Variants in ZFC3H1 observed in about 807,000 individuals in gnomAD.
ZFC3H1 encodes zinc finger C3H1 domain-containing protein.
ZFC3H1 carries 71 observed loss-of-function variants against 243.7 expected under a neutral mutation model. The observed-to-expected ratio is 0.29, with a 90% CI of 0.24 to 0.36. The LOEUF (loss-of-function observed/expected upper bound fraction) is 0.36, where lower values mean the gene tolerates loss of function less well. ZFC3H1 is among the 10% of genes least tolerant of loss of function. The pLI is 1.00. For missense variants in ZFC3H1, 1,966 were observed against 2,317.1 expected, an observed-to-expected ratio of 0.85 and a Z score of 3.11; for synonymous variants, 838 against 813.0, an observed-to-expected ratio of 1.03 and a Z score of -0.52.
At chr12:71,625,034 G>C (rs1880127909) in intron 22 of ZFC3H1, among the ~76,000 whole-genome samples, 2 of 152,118 alleles carry the variant, frequency 1.3e-5, no homozygotes, top group Non-Finnish European at 2.9e-5. Flanking sequence ...CAATTTCAAA[G>C]AAAAATATTA....
intron 6 of ZFC3H1, among the ~76,000 whole-genome samples, chr12:71,639,027 T>C: frequency 6.6e-6 from 1 of 152,188 alleles, no homozygotes; most frequent in South Asian, 2.1e-4. Flanking sequence ...AAGAATTACT[T>C]AGTGTATTTA....
At chr12:71,633,151 C>A in intron 13 of ZFC3H1, 113 bp downstream of exon 13, 2 of 1,397,050 alleles carry the variant, frequency 1.4e-6, no homozygotes, top group South Asian at 1.5e-5. Context: ...CAACAAGAAA[C>A]TATAGGTTAT....
intron 31 of ZFC3H1, among the ~76,000 whole-genome samples, chr12:71,613,025 A>G (rs1879810337): frequency 6.6e-6 from 1 of 152,220 alleles, no homozygotes; most frequent in Non-Finnish European, 1.5e-5. Flanking sequence ...TGCCGTGGAA[A>G]ACAAGCTTAC....
In ZFC3H1 at chr12:71,610,304, G is replaced by C; in HGVS notation, c.*124C>G. The C allele has an allele frequency of 8.6e-7, 1 of 1,167,076 alleles. No individual in the cohort carries two copies. The highest frequency in any genetic ancestry group is 1.2e-6 in the Non-Finnish European group (1 of 826,292). 72.3% of individuals were successfully genotyped at this position (1,167,076 alleles called of 1,614,324 possible). On this transcript the variant is annotated 3_prime_UTR_variant, in exon 35 of 35. Transcript: ENST00000378743. ...GAGGACAGGATATTGTAGGGAACTT[G>C]ATATGATCAATAACGCTTGTCTGCC... is the stretch of plus-strand genomic sequence containing the variant.
intron 7 of ZFC3H1, 81 bp from the exon 8 acceptor site, chr12:71,637,140 A>C: frequency 8.3e-7 from 1 of 1,201,306 alleles, no homozygotes; most frequent in African/African-American, 1.5e-5. Context: ...TTAAACTAGA[A>C]AAAAATAAAC....
intron 24 of ZFC3H1, among the ~76,000 whole-genome samples, chr12:71,622,309 CT>C (rs1415523184): frequency 6.6e-6 from 1 of 152,176 alleles, no homozygotes; most frequent in African/African-American, 2.4e-5. Flanking sequence ...ATGAGACCCA[CT>C]TTGTCATACT....
chr12:71,629,386 C>T (rs11178877), intron 19 of ZFC3H1, among the ~76,000 whole-genome samples: 2,897 of 151,950 alleles, frequency 0.019, 103 homozygotes, highest in African/African-American at 0.067. Flanking sequence ...AGGCTGGTCT[C>T]GAACTCCTAA....
In ZFC3H1 at chr12:71,643,412, CA is replaced by C. The variant is rs879491340; in HGVS notation, c.1503+682del. On this transcript the variant is annotated intron_variant, in intron 5 of 34. Transcript: ENST00000378743. ...GGGCAACAAGAGTAAGACTCCATCT[CA>C]AAAAAAAAAAAAATTTCAAAGTATA... 3.2e-3 allele frequency among the ~76,000 whole-genome samples: 442 copies of C among 136,124 alleles called. 2 individuals are homozygous for C. Among genetic ancestry groups the C allele is most frequent in the African/African-American group, 8.0e-3 (295 of 37,050 alleles). 89.3% of individuals were successfully genotyped at this position (136,124 alleles called of 152,430 possible).
At chr12:71,656,086 T>C (rs1401940074) in intron 2 of ZFC3H1, among the ~76,000 whole-genome samples, 2 of 152,086 alleles carry the variant, frequency 1.3e-5, no homozygotes, top group Admixed American at 6.6e-5. Context: ...GGCAAAACTA[T>C]AGGGACAGAT....
At chr12:71,613,982 G>GA (rs373187486) in intron 30 of ZFC3H1, among the ~76,000 whole-genome samples, 12 of 152,010 alleles carry the variant, frequency 7.9e-5, no homozygotes, top group African/African-American at 2.9e-4. Flanking sequence ...AGTGGTGTCT[G>GA]AAAAAAAATT....
intron 6 of ZFC3H1, 98 bp downstream of exon 6, chr12:71,642,338 C>T: frequency 7.4e-7 from 1 of 1,357,010 alleles, no homozygotes; most frequent in Non-Finnish European, 9.8e-7. Context: ...GCAAATCTCA[C>T]TTTCATTACA....
intron 21 of ZFC3H1, 33 bp downstream of exon 21, chr12:71,627,718 A>C (rs374487701): frequency 6.3e-7 from 1 of 1,575,258 alleles, no homozygotes; most frequent in Non-Finnish European, 8.6e-7. Context: ...ATAAATGTGC[A>C]ACTGTTTACA....
rs755833682 is a variant in ZFC3H1, at chr12:71,645,049, T to C, written c.1107A>G (p.Leu369=). The C allele has an allele frequency of 3.7e-6, 6 of 1,611,456 alleles. No individual in the cohort carries two copies. The highest frequency in any genetic ancestry group is 4.5e-5 in the East Asian group (2 of 44,870). ...CCAAAAGGCGAAGCTGTAATTCAGATAGTTCCTCTTCATCTTCACCAAGTT... is the reference window on the plus strand; with the variant it reads ...CCAAAAGGCGAAGCTGTAATTCAGACAGTTCCTCTTCATCTTCACCAAGTT... ...EKKLGEDEEE[L]SELQLRLLAL... The change falls in exon 4 of 35, where the codon CTA becomes CTG. Residue 369 remains leucine (L), a synonymous_variant. Coordinates refer to ENST00000378743, the MANE Select transcript of ZFC3H1 (RefSeq NM_144982.5).
chr12:71,648,043 T>C (rs1455043365), intron 2 of ZFC3H1, among the ~76,000 whole-genome samples: 1 of 152,116 alleles, frequency 6.6e-6, no homozygotes, highest in Non-Finnish European at 1.5e-5. Context: ...AATATTAAAA[T>C]AAAGCCACAC....
intron 2 of ZFC3H1, 108 bp downstream of exon 2, chr12:71,656,777 A>G: frequency 1.7e-6 from 2 of 1,183,984 alleles, no homozygotes. Context: ...AGTACAAAAG[A>G]ATTTACAGAT....
intron 8 of ZFC3H1, 38 bp from the exon 9 acceptor site, chr12:71,636,692 T>G: frequency 1.3e-6 from 2 of 1,573,250 alleles, no homozygotes; most frequent in Admixed American, 2.0e-5. Flanking sequence ...CATTCCTAAA[T>G]AAAAATAAAT....
At position 71,610,774 on chromosome 12, in the gene ZFC3H1, C is replaced by A. The variant is rs1043817339; in HGVS notation, c.5770-17G>T. The A allele has an allele frequency of 1.9e-6, 3 of 1,605,026 alleles. No homozygotes were observed. Among genetic ancestry groups the A allele is most frequent in the East Asian group, 2.2e-5 (1 of 44,744 alleles). The stretch of plus-strand genomic sequence containing the variant: ...ACGGTGGACCTGTAAGATAGATATA[C>A]ACACAATTCCATCAGAAAATATAAT... On this transcript the variant is annotated splice_polypyrimidine_tract_variant and intron_variant, in intron 33 of 34. Transcript: ENST00000378743.
intron 1 of ZFC3H1, among the ~76,000 whole-genome samples, chr12:71,661,998 C>T (rs1881190222): frequency 6.6e-6 from 1 of 152,202 alleles, no homozygotes; most frequent in Admixed American, 6.5e-5. Context: ...ACTGTCATTA[C>T]TTTTAAGTTT....
intron 1 of ZFC3H1, among the ~76,000 whole-genome samples, chr12:71,659,200 T>C (rs1392809999): frequency 7.3e-6 from 1 of 136,964 alleles, no homozygotes; most frequent in Non-Finnish European, 1.5e-5. Context: ...ACCCTGGTGA[T>C]AAGATATTTC....
Sources: allele counts gnomAD v4.1 joint callset (sites outside exome capture counted in the v4.1 genomes callset), GRCh38; gene constraint gnomAD v4.1.1; transcripts MANE v1.5; gene names NCBI Gene and HGNC (gene_info 2026-07-23, HGNC 2026-07-21).